Variants in INPPL1 observed in about 807,000 individuals in gnomAD.
INPPL1 encodes phosphatidylinositol 3,4,5-trisphosphate 5-phosphatase 2.
Under a neutral mutation model 139.3 loss-of-function variants are expected in INPPL1, and 91 were observed. That is an observed-to-expected ratio of 0.65 (90% CI 0.55 to 0.78). The LOEUF (loss-of-function observed/expected upper bound fraction) is 0.78. Among genes scored for constraint, INPPL1 ranks in the 30% least tolerant of loss-of-function variants. The pLI, the probability that INPPL1 is intolerant of heterozygous loss-of-function variation, is 0.00. For missense variants in INPPL1, 1,411 were observed against 1,665.6 expected, an observed-to-expected ratio of 0.85 and a Z score of 2.66; for synonymous variants, 719 against 686.6, an observed-to-expected ratio of 1.05 and a Z score of -0.74.
rs757515038 is a variant in INPPL1, at chr11:72,232,838, G to A, written c.1852-37G>A. ...GGCTATCACCCCTGGCTCTGGCTCC[G>A]GAGGAATGTTTCTAGCCTTTGTGTC... On this transcript the variant is annotated intron_variant, in intron 15 of 27. Transcript: ENST00000298229. 33 of 1,613,608 alleles carry A rather than the reference G, an allele frequency of 2.0e-5. 2 individuals carry two copies. The highest frequency in any genetic ancestry group is 9.9e-5 in the South Asian group (9 of 91,084).
chr11:72,234,727 G>C lies in INPPL1; in HGVS notation c.2415+112G>C. The C allele has an allele frequency of 1.0e-5, 7 of 687,786 alleles. No individual in the cohort carries two copies. Among genetic ancestry groups the C allele is most frequent in the Non-Finnish European group, 1.8e-5 (7 of 396,300 alleles). 42.6% of individuals were successfully genotyped at this position (687,786 alleles called of 1,614,324 possible). A position where few individuals can be genotyped will look rare whatever the true frequency, so the allele number is the denominator to read the frequency against. ...AGTGTGGGGCCAGCAGAGAGAGAGA[G>C]AGAGAGTGTGTGTGTGTGTGTGTGT... On this transcript the variant is annotated intron_variant, in intron 21 of 27. Transcript: ENST00000298229. The surrounding 1 kb of genome is among the most constrained non-coding windows in gnomAD (Gnocchi z 4.2).
intron 1 of INPPL1, chr11:72,227,982 T>TCGCCG: frequency 2.6e-6 from 1 of 391,604 alleles, no homozygotes; most frequent in Non-Finnish European, 4.5e-6. Flanking sequence ...GAGACGGGGG[T>TCGCCG]GTTCTGGTCA....
intron 13 of INPPL1, 108 bp from the exon 14 acceptor site, chr11:72,232,131 TG>T: frequency 1.2e-6 from 1 of 865,906 alleles, no homozygotes; most frequent in African/African-American, 1.7e-5. Context: ...TCACAGCGTC[TG>T]GTGGGCTCAG....
chr11:72,228,322 T>G lies in INPPL1; in HGVS notation c.247-26T>G. On this transcript the variant is annotated intron_variant, in intron 2 of 27. Transcript: ENST00000298229. This position sits in a 1 kb window ranked among gnomAD's most constrained non-coding sequence, Gnocchi z 5.0. ...GGCTTGGGGACCTGCTGGCTGACCC[T>G]TCCTCCCACCCTTGCTGGCCCACAG... 6.2e-7 allele frequency: 1 copy of G among 1,613,976 alleles called. No individual in the cohort carries two copies. The highest frequency in any genetic ancestry group is 8.5e-7 in the Non-Finnish European group (1 of 1,179,946).
At position 72,229,674 on chromosome 11, in the gene INPPL1, G is replaced by T; in HGVS notation, c.765G>T (p.Gln255His). Residue 255 changes from glutamine (Q) to histidine (H), a missense_variant, in exon 7 of 28, where the codon CAG becomes CAT. By Grantham distance (24) the Gln-to-His change is conservative. Coordinates refer to ENST00000298229, the MANE Select transcript of INPPL1 (RefSeq NM_001567.4). The stretch of plus-strand genomic sequence containing the variant: ...CTTCCTCCCCCCAGAACCTGCCACA[G>T]ACAGGGGAGCAGGAACTAGAGAGCC... The part of the protein sequence containing the change: ...TRLLQQQNLP[Q>H]TGEQELESLV... The T allele has an allele frequency of 6.2e-7, 1 of 1,614,082 alleles. No individual in the cohort carries two copies. Among genetic ancestry groups the T allele is most frequent in the South Asian group, 1.1e-5 (1 of 91,080 alleles).
At chr11:72,231,235 C>T (rs769115058) in intron 12 of INPPL1, 46 bp downstream of exon 12, 11 of 1,547,294 alleles carry the variant, frequency 7.1e-6, no homozygotes, top group African/African-American at 4.1e-5. Flanking sequence ...CACACACCAC[C>T]TCCAAACTAG....
rs920111937 is a variant in INPPL1 at position 72,234,208 on chromosome 11, G to A, written c.2213-73G>A. The A allele has an allele frequency of 1.7e-6, 2 of 1,181,472 alleles. No homozygotes were observed. The highest frequency in any genetic ancestry group is 2.5e-6 in the Non-Finnish European group (2 of 793,084). 73.2% of individuals were successfully genotyped at this position (1,181,472 alleles called of 1,614,324 possible). A position where few individuals can be genotyped will look rare whatever the true frequency, so the allele number is the denominator to read the frequency against. On this transcript the variant is annotated intron_variant, in intron 19 of 27. Coordinates refer to ENST00000298229, the MANE Select transcript of INPPL1 (RefSeq NM_001567.4). The surrounding 1 kb of genome is among the most constrained non-coding windows in gnomAD (Gnocchi z 4.2). The stretch of plus-strand genomic sequence containing the variant: ...TGGACCCCTGATTTCCTGTCCCAGG[G>A]CCCTGTTTCTCTGTCCCATTCCTCC...
chr11:72,233,275 T>C, intron 17 of INPPL1, 112 bp downstream of exon 17: 4 of 1,089,358 alleles, frequency 3.7e-6, no homozygotes. Flanking sequence ...CCATGGCCCC[T>C]CTGAGGCCTT....
In INPPL1 at chr11:72,237,545, C is replaced by T; in HGVS notation, c.3301C>T (p.Pro1101Ser). ...GGCCCATCCAAGGCCTCCACTGCCC[C>T]CAGGCCCCTCACCAGCCAGCACTTT... ...PKAHPRPPLPPGPSPASTFLG... is the reference protein window; with the variant it reads ...PKAHPRPPLPSGPSPASTFLG... Residue 1101 changes from proline to serine, a missense_variant, in exon 26 of 28, where the codon CCA becomes TCA. Around this residue, in one of 5 missense-constraint regions of INPPL1, gnomAD observed 438 missense variants for 425.7 expected, o/e 1.03. Coordinates refer to ENST00000298229, the MANE Select transcript of INPPL1 (RefSeq NM_001567.4). 4 of 1,602,042 alleles carry T rather than the reference C, an allele frequency of 2.5e-6. No homozygotes were observed. The highest frequency in any genetic ancestry group is 3.4e-6 in the Non-Finnish European group (4 of 1,172,214).
chr11:72,224,605 C>G (rs1948612586), upstream of INPPL1, among the ~76,000 whole-genome samples: 1 of 134,560 alleles, frequency 7.4e-6, no homozygotes, highest in African/African-American at 2.8e-5. Context: ...ATTGTGGGGT[C>G]TGGGAGGTCC....
chr11:72,229,649 C>A lies in INPPL1; in HGVS notation c.754-14C>A. 6.2e-7 allele frequency: 1 copy of A among 1,613,700 alleles called. No homozygotes were observed. The highest frequency in any genetic ancestry group is 8.5e-7 in the Non-Finnish European group (1 of 1,179,720). ...AGGTGACTCATGTACAAGCCTGGTT[C>A]TTCCTCCCCCCAGAACCTGCCACAG... On this transcript the variant is annotated splice_polypyrimidine_tract_variant and intron_variant, in intron 6 of 27. Transcript: ENST00000298229.
rs1333338328 is a variant in INPPL1 at position 72,229,980 on chromosome 11, C to G, written c.900C>G (p.Ser300=). Residue 300 remains serine (S), a synonymous_variant, in exon 8 of 28, where the codon TCC becomes TCG. Coordinates refer to ENST00000298229, the MANE Select transcript of INPPL1 (RefSeq NM_001567.4). The part of the protein sequence containing the change: ...SSTAPPAPQP[S]TRKAKTIPVQ... ...CAGCACCCCCAGCTCCGCAGCCATCCACACGTAAGGCCAAGACCATCCCCG... is the reference window on the plus strand; with the variant it reads ...CAGCACCCCCAGCTCCGCAGCCATCGACACGTAAGGCCAAGACCATCCCCG... 6.2e-7 allele frequency: 1 copy of G among 1,614,240 alleles called. No individual in the cohort carries two copies.
Position 72,235,180 on chromosome 11 carries a change from C to T in INPPL1, c.2480C>T (p.Ser827Phe). Residue 827 changes from serine (S) to phenylalanine (F), a missense_variant, in exon 22 of 28, where the codon TCC (serine) becomes TTC (phenylalanine). By Grantham distance (155) the Ser-to-Phe change is radical (BLOSUM62 -2). Around this residue, in one of 5 missense-constraint regions of INPPL1, gnomAD observed 99 missense variants for 171.6 expected, o/e 0.58. Coordinates refer to ENST00000298229, the MANE Select transcript of INPPL1 (RefSeq NM_001567.4). The surrounding 1 kb of genome is among the most constrained non-coding windows in gnomAD (Gnocchi z 4.9). ...CAGCACCTCCTGCTCACAGTCAAGT[C>T]CATGGATGGCTATGAATCCTATGGT... ...QDQHLLLTVKSMDGYESYGEC... is the reference protein window; with the variant it reads ...QDQHLLLTVKFMDGYESYGEC... 1 of 1,614,074 alleles carries T rather than the reference C, an allele frequency of 6.2e-7. No individual in the cohort carries two copies. The highest frequency in any genetic ancestry group is 1.7e-5 in the Admixed American group (1 of 60,000).
In INPPL1 at chr11:72,237,427, A is replaced by G; in HGVS notation, c.3183A>G (p.Ser1061=). The change falls in exon 26 of 28, where the codon TCA becomes TCG. Residue 1061 remains serine, a synonymous_variant. Transcript: ENST00000298229. ...PDFPPPPLPD[S]AIFLPPSLDP... is the part of the protein sequence containing the mutation. Reference sequence around the variant, plus strand: ...TTCCACCTCCACCACTGCCGGACTCAGCCATCTTCCTGCCCCCCAGCCTGG... The same window carrying G: ...TTCCACCTCCACCACTGCCGGACTCGGCCATCTTCCTGCCCCCCAGCCTGG... 6.2e-7 allele frequency: 1 copy of G among 1,611,202 alleles called. No homozygotes were observed. The highest frequency in any genetic ancestry group is 8.5e-7 in the Non-Finnish European group (1 of 1,178,046).
At position 72,228,213 on chromosome 11, in the gene INPPL1, A is replaced by G. The variant is rs374114535; in HGVS notation, c.206A>G (p.Tyr69Cys). 1 of 1,614,130 alleles carries G rather than the reference A, an allele frequency of 6.2e-7. No homozygotes were observed. Among genetic ancestry groups the G allele is most frequent in the Non-Finnish European group, 8.5e-7 (1 of 1,179,998 alleles). Residue 69 changes from tyrosine to cysteine, a missense_variant, in exon 2 of 28, where the codon TAT becomes TGT. Physicochemically the swap from Tyr to Cys is radical, Grantham distance 194 (BLOSUM62 -2). Around this residue, in one of 5 missense-constraint regions of INPPL1, gnomAD observed 504 missense variants for 595.6 expected, o/e 0.85. Coordinates refer to ENST00000298229, the MANE Select transcript of INPPL1 (RefSeq NM_001567.4). The surrounding 1 kb of genome is among the most constrained non-coding windows in gnomAD (Gnocchi z 5.0). ...CVLYQKHVHT[Y>C]RILPDGEDFL... The stretch of plus-strand genomic sequence containing the variant: ...AGGTATCAGAAGCATGTGCACACGT[A>G]TCGCATTCTGCCTGATGGAGAAGAT...
intron 12 of INPPL1, 27 bp downstream of exon 12, chr11:72,231,216 C>G: frequency 6.3e-7 from 1 of 1,590,336 alleles, no homozygotes; most frequent in Non-Finnish European, 8.5e-7. Context: ...TTGTCCAGGA[C>G]CCTGTCCTCA....
upstream of INPPL1, among the ~76,000 whole-genome samples, chr11:72,224,145 G>A (rs527783862): frequency 6.6e-6 from 1 of 152,240 alleles, no homozygotes; most frequent in Non-Finnish European, 1.5e-5. Flanking sequence ...CTGCGTGAGA[G>A]GCTCGAGAAC....
rs757809652 is a variant in INPPL1, at chr11:72,235,816, C to G, written c.2739-30C>G. 3.1e-6 allele frequency: 5 copies of G among 1,612,952 alleles called. No individual in the cohort carries two copies. In the Admixed American group the frequency reaches 8.3e-5, roughly 27 times the overall value. Reference sequence around the variant, plus strand: ...ACCTGGGGGCATCTGGTCAACCCCACTTCATCTCTCTCCTGTGCATCCCTG... The same window carrying G: ...ACCTGGGGGCATCTGGTCAACCCCAGTTCATCTCTCTCCTGTGCATCCCTG... On this transcript the variant is annotated intron_variant, in intron 24 of 27. Transcript: ENST00000298229. This position sits in a 1 kb window ranked among gnomAD's most constrained non-coding sequence, Gnocchi z 4.9.
In INPPL1 at chr11:72,232,286, A is replaced by G. The variant is rs1948856519; in HGVS notation, c.1662A>G (p.Ser554=). Residue 554 remains serine, a synonymous_variant, in exon 14 of 28, where the codon TCA becomes TCG. Transcript: ENST00000298229. ...TCTCCTTCATGTTTAATGGCACCTC[A>G]TTTGGCTTTGTGAATTGTCACCTCA... is the stretch of plus-strand genomic sequence containing the variant. ...VGVSFMFNGT[S]FGFVNCHLTS... 5 of 1,556,220 alleles carry G rather than the reference A, an allele frequency of 3.2e-6. No individual in the cohort carries two copies. In the East Asian group the frequency reaches 7.2e-5, roughly 22 times the overall value.
Sources: gnomAD v4.1 joint callset for allele counts (sites outside exome capture counted in the v4.1 genomes callset) on GRCh38, gnomAD v4.1.1 for gene constraint, gnomAD v4.1.1 regional missense constraint, Gnocchi (gnomAD v3.1) non-coding constraint, MANE v1.5 for transcripts, NCBI Gene and HGNC (gene_info 2026-07-23, HGNC 2026-07-21) for gene names.